Variants in GPR32 observed in about 807,000 individuals in gnomAD.
The protein encoded by GPR32 is G protein-coupled receptor 32.
For missense variants in GPR32, 433 were observed against 454.1 expected (o/e 0.95, Z 0.42); for synonymous variants, 215 against 195.3 (o/e 1.10, Z -0.84).
At position 50,771,460 on chromosome 19, in the gene GPR32, A is replaced by G. The variant is rs764572479; in HGVS notation, c.860A>G (p.Lys287Arg). ...LVHLWRRVMLKEIYHPRMLLI... is the reference protein window; with the variant it reads ...LVHLWRRVMLREIYHPRMLLI... ...CATCTGTGGCGACGGGTGATGCTCA[A>G]GGAAATCTACCACCCCCGGATGCTG... Residue 287 changes from lysine (K) to arginine (R), a missense_variant, in exon 1 of 1, where the codon AAG (lysine) becomes AGG (arginine). Coordinates refer to ENST00000270590, the MANE Select transcript of GPR32 (RefSeq NM_001506.2). The G allele has an allele frequency of 3.7e-6, 6 of 1,614,182 alleles. No homozygotes were observed. The highest frequency in any genetic ancestry group is 1.1e-5 in the South Asian group (1 of 91,076).
chr19:50,771,120 T>C lies in GPR32; in HGVS notation c.520T>C (p.Ser174Pro), dbSNP rs780695906. The change falls in exon 1 of 1, where the codon TCT becomes CCT. Residue 174 changes from serine (S) to proline (P), a missense_variant. Ser to Pro is a moderately conservative substitution (Grantham distance 74, BLOSUM62 -1). Transcript: ENST00000270590. The part of the protein sequence containing the change: ...GVWLLAAALC[S>P]AHLKFRTTRK... ...GTGGCTCCTGGCCGCCGCCTTGTGC[T>C]CTGCGCACCTGAAATTCCGGACAAC... 1.2e-6 allele frequency: 2 copies of C among 1,614,094 alleles called. No individual in the cohort carries two copies. The highest frequency in any genetic ancestry group is 1.7e-6 in the Non-Finnish European group (2 of 1,180,046).
rs767828175 is a variant in GPR32 at position 50,770,880 on chromosome 19, T to A, written c.280T>A (p.Ser94Thr). Reference protein sequence around the residue: ...LALADFMLSLSLPIAMYYIVS... With the variant: ...LALADFMLSLTLPIAMYYIVS... Reference sequence around the variant, plus strand: ...CCTTGCCGATTTCATGCTCTCACTGTCTCTGCCCATTGCCATGTACTATAT... The same window carrying A: ...CCTTGCCGATTTCATGCTCTCACTGACTCTGCCCATTGCCATGTACTATAT... Residue 94 changes from serine to threonine, a missense_variant, in exon 1 of 1, where the codon TCT becomes ACT. Coordinates refer to ENST00000270590, the MANE Select transcript of GPR32 (RefSeq NM_001506.2). 3 of 1,614,188 alleles carry A rather than the reference T, an allele frequency of 1.9e-6. No homozygotes were observed. Among genetic ancestry groups the A allele is most frequent in the South Asian group, 2.2e-5 (2 of 91,080 alleles).
rs1317693788 is a variant in GPR32 at position 50,770,796 on chromosome 19, T to C, written c.196T>C (p.Trp66Arg). 6.2e-7 allele frequency: 1 copy of C among 1,614,196 alleles called. No homozygotes were observed. Among genetic ancestry groups the C allele is most frequent in the East Asian group, 2.2e-5 (1 of 44,886 alleles). ...VGVLGNGLVL[W>R]MTVFRMARTV... ...AGTGCTGGGCAATGGGCTGGTGCTGTGGATGACTGTCTTCCGTATGGCACG... is the reference window on the plus strand; with the variant it reads ...AGTGCTGGGCAATGGGCTGGTGCTGCGGATGACTGTCTTCCGTATGGCACG... The change falls in exon 1 of 1, where the codon TGG (tryptophan) becomes CGG (arginine). Residue 66 changes from tryptophan (W) to arginine (R), a missense_variant. Transcript: ENST00000270590.
chr19:50,770,724 C>T lies in GPR32; in HGVS notation c.124C>T (p.Leu42Phe). 6.2e-7 allele frequency: 1 copy of T among 1,614,046 alleles called. No homozygotes were observed. Among genetic ancestry groups the T allele is most frequent in the Non-Finnish European group, 8.5e-7 (1 of 1,180,014 alleles). ...SGCLSEEVGS[L>F]RPLTVVILSA... ...ATGCCTGTCTGAGGAGGTGGGGTCC[C>T]TCCGCCCACTGACTGTGGTTATCCT... Residue 42 changes from leucine to phenylalanine, a missense_variant, in exon 1 of 1, where the codon CTC (leucine) becomes TTC (phenylalanine). By Grantham distance (22) the Leu-to-Phe change is conservative. Coordinates refer to ENST00000270590, the MANE Select transcript of GPR32 (RefSeq NM_001506.2).
chr19:50,771,558 G>C lies in GPR32; in HGVS notation c.958G>C (p.Gly320Arg), dbSNP rs758657624. 5 of 1,614,118 alleles carry C rather than the reference G, an allele frequency of 3.1e-6. No homozygotes were observed. In the South Asian group the frequency reaches 5.5e-5, roughly 18 times the overall value. Residue 320 changes from glycine to arginine, a missense_variant, in exon 1 of 1, where the codon GGC becomes CGC. By Grantham distance (125) the Gly-to-Arg change is moderately radical. Coordinates refer to ENST00000270590, the MANE Select transcript of GPR32 (RefSeq NM_001506.2). ...CAACCCCTTCCTCTACGTCTTCGTTGGCAGAGATTTCCAAGAAAAGTTTTT... is the reference window on the plus strand; with the variant it reads ...CAACCCCTTCCTCTACGTCTTCGTTCGCAGAGATTTCCAAGAAAAGTTTTT... ...SLNPFLYVFV[G>R]RDFQEKFFQS...
chr19:50,771,284 C>G lies in GPR32; in HGVS notation c.684C>G (p.Pro228=), dbSNP rs2089399213. ...ACTTCCTGCTGGGCTTCCTGGGGCC[C>G]TTAGCAATCATAGGCACCTGCGCCC... ...IGHFLLGFLG[P]LAIIGTCAHL... The change falls in exon 1 of 1, where the codon CCC becomes CCG. Residue 228 remains proline, a synonymous_variant. Transcript: ENST00000270590. 2 of 1,614,070 alleles carry G rather than the reference C, an allele frequency of 1.2e-6. No homozygotes were observed. The highest frequency in any genetic ancestry group is 1.3e-5 in the African/African-American group (1 of 75,008).
Position 50,771,456 on chromosome 19 carries a change from C to T in GPR32, c.856C>T (p.Leu286Phe), listed in dbSNP as rs756660015. 33 of 1,614,052 alleles carry T rather than the reference C, an allele frequency of 2.0e-5. No homozygotes were observed. Among genetic ancestry groups the T allele is most frequent in the Non-Finnish European group, 2.5e-5 (30 of 1,180,032 alleles). The change falls in exon 1 of 1, where the codon CTC becomes TTC. Residue 286 changes from leucine to phenylalanine, a missense_variant. Physicochemically the swap from Leu to Phe is conservative, Grantham distance 22 (BLOSUM62 0). Transcript: ENST00000270590. ...GGTCCATCTGTGGCGACGGGTGATG[C>T]TCAAGGAAATCTACCACCCCCGGAT... ...LLVHLWRRVM[L>F]KEIYHPRMLL...
Position 50,771,470 on chromosome 19 carries a change from C to T in GPR32, c.870C>T (p.Tyr290=), listed in dbSNP as rs370112056. The T allele has an allele frequency of 9.3e-6, 15 of 1,614,066 alleles. No individual in the cohort carries two copies. In the African/African-American group the frequency reaches 1.7e-4, roughly 19 times the overall value. ...GACGGGTGATGCTCAAGGAAATCTA[C>T]CACCCCCGGATGCTGCTCATCCTCC... ...LWRRVMLKEI[Y]HPRMLLILQA... Residue 290 remains tyrosine (Y), a synonymous_variant, in exon 1 of 1, where the codon TAC becomes TAT. Transcript: ENST00000270590.
Position 50,771,176 on chromosome 19 carries a change from C to T in GPR32, c.576C>T (p.Tyr192=). The T allele has an allele frequency of 6.2e-7, 1 of 1,614,226 alleles. No homozygotes were observed. The highest frequency in any genetic ancestry group is 8.5e-7 in the Non-Finnish European group (1 of 1,180,048). Residue 192 remains tyrosine (Y), a synonymous_variant, in exon 1 of 1, where the codon TAC becomes TAT. Transcript: ENST00000270590. ...TRKWNGCTHC[Y]LAFNSDNETA... Reference sequence around the variant, plus strand: ...AATGGAATGGCTGTACGCACTGCTACTTGGCGTTCAACTCTGACAATGAGA... The same window carrying T: ...AATGGAATGGCTGTACGCACTGCTATTTGGCGTTCAACTCTGACAATGAGA...
chr19:50,771,085 C>T lies in GPR32; in HGVS notation c.485C>T (p.Ala162Val). The T allele has an allele frequency of 6.2e-7, 1 of 1,614,182 alleles. No homozygotes were observed. Among genetic ancestry groups the T allele is most frequent in the South Asian group, 1.1e-5 (1 of 91,092 alleles). Reference sequence around the variant, plus strand: ...ACTGTGCAGCGGGCGAGCTGGCTGGCCTTTGGGGTGTGGCTCCTGGCCGCC... The same window carrying T: ...ACTGTGCAGCGGGCGAGCTGGCTGGTCTTTGGGGTGTGGCTCCTGGCCGCC... ...HRTVQRASWL[A>V]FGVWLLAAAL... is the part of the protein sequence containing the mutation. Residue 162 changes from alanine (A) to valine (V), a missense_variant, in exon 1 of 1, where the codon GCC becomes GTC. Ala to Val is a moderately conservative substitution (Grantham distance 64). Transcript: ENST00000270590.
In GPR32 at chr19:50,770,924, C is replaced by T. The variant is rs370107165; in HGVS notation, c.324C>T (p.Leu108=). The T allele has an allele frequency of 6.2e-7, 1 of 1,614,062 alleles. No individual in the cohort carries two copies. Among genetic ancestry groups the T allele is most frequent in the Non-Finnish European group, 8.5e-7 (1 of 1,180,040 alleles). The change falls in exon 1 of 1, where the codon CTC becomes CTT. Residue 108 remains leucine, a synonymous_variant. Transcript: ENST00000270590. ...ACTATATTGTCTCCAGGCAGTGGCTCCTCGGAGAGTGGGCCTGCAAACTCT... is the reference window on the plus strand; with the variant it reads ...ACTATATTGTCTCCAGGCAGTGGCTTCTCGGAGAGTGGGCCTGCAAACTCT... ...AMYYIVSRQW[L]LGEWACKLYI...
rs1003265650 is a variant in GPR32 at position 50,771,100 on chromosome 19, T to G, written c.500T>G (p.Leu167Arg). 1.2e-6 allele frequency: 2 copies of G among 1,614,182 alleles called. No homozygotes were observed. The highest frequency in any genetic ancestry group is 1.7e-6 in the Non-Finnish European group (2 of 1,180,042). Residue 167 changes from leucine (L) to arginine (R), a missense_variant, in exon 1 of 1, where the codon CTC becomes CGC. Transcript: ENST00000270590. ...AGCTGGCTGGCCTTTGGGGTGTGGC[T>G]CCTGGCCGCCGCCTTGTGCTCTGCG... Reference protein sequence around the residue: ...RASWLAFGVWLLAAALCSAHL... With the variant: ...RASWLAFGVWRLAAALCSAHL...
rs762467590 is a variant in GPR32, at chr19:50,771,447, C to T, written c.847C>T (p.Arg283Trp). ...GGTGCTGTTGGTCCATCTGTGGCGACGGGTGATGCTCAAGGAAATCTACCA... is the reference window on the plus strand; with the variant it reads ...GGTGCTGTTGGTCCATCTGTGGCGATGGGTGATGCTCAAGGAAATCTACCA... ...NVVLLVHLWRRVMLKEIYHPR... is the reference protein window; with the variant it reads ...NVVLLVHLWRWVMLKEIYHPR... The change falls in exon 1 of 1, where the codon CGG becomes TGG. Residue 283 changes from arginine (R) to tryptophan (W), a missense_variant. By Grantham distance (101) the Arg-to-Trp change is moderately radical. Coordinates refer to ENST00000270590, the MANE Select transcript of GPR32 (RefSeq NM_001506.2). The T allele has an allele frequency of 1.9e-6, 3 of 1,614,148 alleles. No homozygotes were observed. The highest frequency in any genetic ancestry group is 1.7e-6 in the Non-Finnish European group (2 of 1,180,012).
At position 50,770,764 on chromosome 19, in the gene GPR32, T is replaced by C; in HGVS notation, c.164T>C (p.Val55Ala). The change falls in exon 1 of 1, where the codon GTC becomes GCC. Residue 55 changes from valine to alanine, a missense_variant. By Grantham distance (64) the Val-to-Ala change is moderately conservative. Transcript: ENST00000270590. ...LTVVILSASI[V>A]VGVLGNGLVL... Reference sequence around the variant, plus strand: ...GTGGTTATCCTGTCTGCGTCCATTGTCGTCGGAGTGCTGGGCAATGGGCTG... The same window carrying C: ...GTGGTTATCCTGTCTGCGTCCATTGCCGTCGGAGTGCTGGGCAATGGGCTG... The C allele has an allele frequency of 6.2e-7, 1 of 1,614,102 alleles. No homozygotes were observed. The highest frequency in any genetic ancestry group is 1.1e-5 in the South Asian group (1 of 91,082).
At position 50,770,782 on chromosome 19, in the gene GPR32, A is replaced by G; in HGVS notation, c.182A>G (p.Asn61Ser). 6.2e-7 allele frequency: 1 copy of G among 1,614,030 alleles called. No individual in the cohort carries two copies. Among genetic ancestry groups the G allele is most frequent in the African/African-American group, 1.3e-5 (1 of 74,986 alleles). The change falls in exon 1 of 1, where the codon AAT becomes AGT. Residue 61 changes from asparagine (N) to serine (S), a missense_variant. Coordinates refer to ENST00000270590, the MANE Select transcript of GPR32 (RefSeq NM_001506.2). ...SASIVVGVLG[N>S]GLVLWMTVFR... ...TCCATTGTCGTCGGAGTGCTGGGCA[A>G]TGGGCTGGTGCTGTGGATGACTGTC...
rs893372939 is a variant in GPR32 at position 50,770,755 on chromosome 19, C to T, written c.155C>T (p.Ala52Val). 6.2e-7 allele frequency: 1 copy of T among 1,614,024 alleles called. No individual in the cohort carries two copies. Among genetic ancestry groups the T allele is most frequent in the Non-Finnish European group, 8.5e-7 (1 of 1,180,002 alleles). The change falls in exon 1 of 1, where the codon GCG becomes GTG. Residue 52 changes from alanine (A) to valine (V), a missense_variant. By Grantham distance (64) the Ala-to-Val change is moderately conservative. Transcript: ENST00000270590. ...CCACTGACTGTGGTTATCCTGTCTG[C>T]GTCCATTGTCGTCGGAGTGCTGGGC... ...LRPLTVVILS[A>V]SIVVGVLGNG...
chr19:50,771,410 C>T lies in GPR32; in HGVS notation c.810C>T (p.Ser270=), dbSNP rs1443263993. ...VLVSAFFIFW[S]PFNVVLLVHL... Reference sequence around the variant, plus strand: ...TGAGCGCTTTCTTTATCTTCTGGTCCCCGTTTAACGTGGTGCTGTTGGTCC... The same window carrying T: ...TGAGCGCTTTCTTTATCTTCTGGTCTCCGTTTAACGTGGTGCTGTTGGTCC... The change falls in exon 1 of 1, where the codon TCC becomes TCT. Residue 270 remains serine, a synonymous_variant. Coordinates refer to ENST00000270590, the MANE Select transcript of GPR32 (RefSeq NM_001506.2). The T allele has an allele frequency of 1.2e-6, 2 of 1,614,004 alleles. No individual in the cohort carries two copies. The highest frequency in any genetic ancestry group is 2.7e-5 in the African/African-American group (2 of 74,920).
chr19:50,771,125 G>T lies in GPR32; in HGVS notation c.525G>T (p.Ala175=). Residue 175 remains alanine, a synonymous_variant, in exon 1 of 1, where the codon GCG becomes GCT. Transcript: ENST00000270590. ...VWLLAAALCS[A]HLKFRTTRKW... ...TCCTGGCCGCCGCCTTGTGCTCTGC[G>T]CACCTGAAATTCCGGACAACCAGAA... 1.2e-6 allele frequency: 2 copies of T among 1,614,172 alleles called. No homozygotes were observed. The highest frequency in any genetic ancestry group is 1.7e-6 in the Non-Finnish European group (2 of 1,180,048).
In GPR32 at chr19:50,771,403, T is replaced by A; in HGVS notation, c.803T>A (p.Phe268Tyr). 1 of 1,614,124 alleles carries A rather than the reference T, an allele frequency of 6.2e-7. No individual in the cohort carries two copies. Among genetic ancestry groups the A allele is most frequent in the Non-Finnish European group, 8.5e-7 (1 of 1,180,028 alleles). ...LLVLVSAFFI[F>Y]WSPFNVVLLV... ...GTGCTGGTGAGCGCTTTCTTTATCT[T>A]CTGGTCCCCGTTTAACGTGGTGCTG... The change falls in exon 1 of 1, where the codon TTC (phenylalanine) becomes TAC (tyrosine). Residue 268 changes from phenylalanine (F) to tyrosine (Y), a missense_variant. Transcript: ENST00000270590.
Sources: gnomAD v4.1 joint callset for allele counts on GRCh38, gnomAD v4.1.1 for gene constraint, MANE v1.5 for transcripts, NCBI Gene and HGNC (gene_info 2026-07-23, HGNC 2026-07-21) for gene names.